The following ARFIP1 variants were observed in gnomAD, a reference collection of about 807,000 sequenced individuals.
The protein encoded by ARFIP1 is ARF interacting protein 1, also known as arfaptin-1.
Under a neutral mutation model 42.5 loss-of-function variants are expected in ARFIP1, and 24 were observed. The observed-to-expected ratio is 0.57, with a 90% CI of 0.41 to 0.80. The LOEUF is 0.80. ARFIP1 is among the 30% of genes least tolerant of loss of function. The pLI, the probability that ARFIP1 is intolerant of heterozygous loss-of-function variation, is 0.00. For missense variants in ARFIP1, 354 were observed against 434.0 expected (o/e 0.82, Z 1.64); for synonymous variants, 141 against 153.7 (o/e 0.92, Z 0.61).
intron 8 of ARFIP1, among the ~76,000 whole-genome samples, chr4:152,902,476 T>C (rs1039067910): frequency 5.3e-5 from 8 of 152,026 alleles, no homozygotes; most frequent in Non-Finnish European, 1.0e-4. Context: ...CACTCTAGCT[T>C]GGGCAACAGA....
intron 8 of ARFIP1, among the ~76,000 whole-genome samples, chr4:152,888,967 C>T (rs766131032): frequency 5.3e-5 from 8 of 152,058 alleles, no homozygotes; most frequent in Non-Finnish European, 7.4e-5. Flanking sequence ...TGCAGGATTG[C>T]AGTTCTGGAA....
intron 3 of ARFIP1, among the ~76,000 whole-genome samples, chr4:152,867,050 GAT>G (rs1734451750): frequency 3.4e-5 from 5 of 145,948 alleles, no homozygotes; most frequent in African/African-American, 1.4e-4. Context: ...CATCCCAGAC[GAT>G]GGGCAGCCAG....
At chr4:152,812,147 C>T (rs1729518710) in intron 1 of ARFIP1, among the ~76,000 whole-genome samples, 1 of 152,160 alleles carries the variant, frequency 6.6e-6, no homozygotes, top group African/African-American at 2.4e-5. Context: ...GCATCATGAA[C>T]CATTTACTCC....
chr4:152,906,100 C>G (rs62320564), intron 8 of ARFIP1, among the ~76,000 whole-genome samples: 3,312 of 152,224 alleles, frequency 0.022, 56 homozygotes, highest in Non-Finnish European at 0.036. Flanking sequence ...TTAGCCCTGA[C>G]ACTTGGGCCC....
rs141673805 is a variant in ARFIP1, at chr4:152,863,709, T to A, written c.197T>A (p.Phe66Tyr). ...TKEGVIEAGAFQGSPAPPLPS... is the reference protein window; with the variant it reads ...TKEGVIEAGAYQGSPAPPLPS... ...GAGGGTGTTATTGAAGCAGGAGCAT[T>A]TCAAGGTAAGAGCCCATATATTTGT... is the stretch of plus-strand genomic sequence containing the variant. Residue 66 changes from phenylalanine (F) to tyrosine (Y), a missense_variant, in exon 3 of 9, where the codon TTT becomes TAT. Phe to Tyr is a conservative substitution (Grantham distance 22). Transcript: ENST00000353617. 7 of 1,593,508 alleles carry A rather than the reference T, an allele frequency of 4.4e-6. No individual in the cohort carries two copies. The highest frequency in any genetic ancestry group is 6.0e-6 in the Non-Finnish European group (7 of 1,162,078).
intron 7 of ARFIP1, among the ~76,000 whole-genome samples, chr4:152,885,529 C>A (rs1736190889): frequency 6.6e-6 from 1 of 151,708 alleles, no homozygotes; most frequent in East Asian, 1.9e-4. Context: ...AGACGGGCAA[C>A]CTTGAAGTGA....
chr4:152,787,991 C>T (rs999921896), intron 1 of ARFIP1, among the ~76,000 whole-genome samples: 1 of 152,104 alleles, frequency 6.6e-6, no homozygotes, highest in Admixed American at 6.5e-5. Flanking sequence ...TTTGGGTGGC[C>T]GAGGTGGGTG....
intron 2 of ARFIP1, among the ~76,000 whole-genome samples, chr4:152,861,881 C>G (rs1292296484): frequency 6.6e-6 from 1 of 152,084 alleles, no homozygotes; most frequent in Admixed American, 6.6e-5. Flanking sequence ...TTCATCCCTT[C>G]TGTCTGTTCT....
At chr4:152,896,956 A>G (rs2149905529) in intron 8 of ARFIP1, among the ~76,000 whole-genome samples, 1 of 152,342 alleles carries the variant, frequency 6.6e-6, no homozygotes, top group South Asian at 2.1e-4. Flanking sequence ...TTCTTAAATG[A>G]CAGAGTAGAA....
rs1736404694 is a variant in ARFIP1 at position 152,888,002 on chromosome 4, A to G, written c.792-131A>G. 1.3e-5 allele frequency: 7 copies of G among 554,810 alleles called. No homozygotes were observed. In the South Asian group the frequency reaches 4.0e-4, roughly 31 times the overall value. The allele number at this position is 554,810 out of a possible 1,614,324, so 34.4% of individuals were successfully genotyped here. Reference sequence around the variant, plus strand: ...AGAAATAATGATTTCAAAAGCGTCAAGTAGAATATGTGTGAGAATTTTATA... The same window carrying G: ...AGAAATAATGATTTCAAAAGCGTCAGGTAGAATATGTGTGAGAATTTTATA... On this transcript the variant is annotated intron_variant, in intron 7 of 8. Coordinates refer to ENST00000353617, the MANE Select transcript of ARFIP1 (RefSeq NM_001025595.3).
intron 2 of ARFIP1, among the ~76,000 whole-genome samples, chr4:152,834,630 C>A (rs539863056): frequency 3.3e-5 from 5 of 152,336 alleles, no homozygotes; most frequent in Admixed American, 2.6e-4. Context: ...CACTGGTGCA[C>A]GGGATGGGCA....
chr4:152,844,179 G>A lies in ARFIP1; in HGVS notation c.93+14453G>A, dbSNP rs541579773. Among the ~76,000 whole-genome samples the A allele has an allele frequency of 3.3e-5, 5 of 152,322 alleles. No individual in the cohort carries two copies. In the East Asian group the frequency reaches 7.7e-4, roughly 24 times the overall value. On this transcript the variant is annotated intron_variant, in intron 2 of 8. Transcript: ENST00000353617. ...AAATCAGAAACTTCTCCCACGAACA[G>A]ACCTTCAGCCTCTCCAGTGGGAGTG...
chr4:152,843,866 C>T (rs1578915684), intron 2 of ARFIP1, among the ~76,000 whole-genome samples: 1 of 152,194 alleles, frequency 6.6e-6, no homozygotes, highest in Non-Finnish European at 1.5e-5. Context: ...AAGAAAAGGG[C>T]TTGGTTCTTG....
At chr4:152,795,163 TTTGTTTG>T (rs1731365311) in intron 1 of ARFIP1, among the ~76,000 whole-genome samples, 1 of 109,472 alleles carries the variant, frequency 9.1e-6, no homozygotes, top group African/African-American at 4.0e-5. Context: ...TTCCGGTGTT[TTTGTTTG>T]TTTGTTTGTT....
chr4:152,852,989 G>A (rs1214962247), intron 2 of ARFIP1, among the ~76,000 whole-genome samples: 1 of 152,114 alleles, frequency 6.6e-6, no homozygotes, highest in Non-Finnish European at 1.5e-5. Flanking sequence ...TTTTCTTCTG[G>A]AAGAACTTTT....
At chr4:152,802,722 G>A (rs1728521488) in intron 1 of ARFIP1, among the ~76,000 whole-genome samples, 1 of 152,110 alleles carries the variant, frequency 6.6e-6, no homozygotes, top group Non-Finnish European at 1.5e-5. Flanking sequence ...TTGTTTCTAA[G>A]CATTTTAGAA....
chr4:152,816,506 C>G (rs1170089160), intron 1 of ARFIP1, among the ~76,000 whole-genome samples: 1 of 152,224 alleles, frequency 6.6e-6, no homozygotes, highest in Non-Finnish European at 1.5e-5. Flanking sequence ...ATTCAGGTCT[C>G]ACAAAAATAT....
At chr4:152,791,068 C>T (rs920669945) in intron 1 of ARFIP1, among the ~76,000 whole-genome samples, 1 of 152,022 alleles carries the variant, frequency 6.6e-6, no homozygotes, top group African/African-American at 2.4e-5. Flanking sequence ...GCAACCTGAA[C>T]TTAATTTATC....
chr4:152,899,344 A>C (rs989944196), intron 8 of ARFIP1, among the ~76,000 whole-genome samples: 1 of 152,040 alleles, frequency 6.6e-6, no homozygotes, highest in African/African-American at 2.4e-5. Context: ...TATTCCTGGG[A>C]TCTCACTACC....
Sources: allele counts gnomAD v4.1 joint callset (sites outside exome capture counted in the v4.1 genomes callset), GRCh38; gene constraint gnomAD v4.1.1; transcripts MANE v1.5; gene names NCBI Gene and HGNC (gene_info 2026-07-23, HGNC 2026-07-21).